The following NBAS variants were observed in gnomAD, a reference collection of about 807,000 sequenced individuals.
NBAS encodes the protein NBAS subunit of NRZ tethering complex.
Under a neutral mutation model 302.5 loss-of-function variants are expected in NBAS, and 219 were observed. The observed-to-expected ratio is 0.72, with a 90% CI of 0.65 to 0.81. The LOEUF (loss-of-function observed/expected upper bound fraction) is 0.81. NBAS is among the 30% of genes least tolerant of loss of function. NBAS has a pLI of 0.00. For missense variants in NBAS, 2,932 were observed against 2,841.6 expected (o/e 1.03, Z -0.72); for synonymous variants, 1,118 against 1,021.6 (o/e 1.09, Z -1.80).
the NBAS span, among the ~76,000 whole-genome samples, chr2:15,030,383 GC>G: frequency 6.6e-6 from 1 of 152,166 alleles, no homozygotes; most frequent in African/African-American, 2.4e-5. Context: ...AATTATTGGA[GC>G]TTTGTCAGCA....
chr2:15,203,758 T>C (rs1404528317), intron 48 of NBAS, among the ~76,000 whole-genome samples: 3 of 152,024 alleles, frequency 2.0e-5, no homozygotes, highest in Non-Finnish European at 4.4e-5. Flanking sequence ...AAAGAATACC[T>C]GAAATCAGTA....
the NBAS span, among the ~76,000 whole-genome samples, chr2:14,782,013 T>C: frequency 6.6e-6 from 1 of 152,168 alleles, no homozygotes; most frequent in Non-Finnish European, 1.5e-5. Context: ...GGACCCACCA[T>C]GCCAGGCTGT....
chr2:15,046,229 T>C, the NBAS span, among the ~76,000 whole-genome samples: 1 of 152,198 alleles, frequency 6.6e-6, no homozygotes, highest in Non-Finnish European at 1.5e-5. Flanking sequence ...CATCCTGGGG[T>C]GGAAGCTGGA....
At chr2:15,202,801 G>T (rs1365504014) in intron 48 of NBAS, among the ~76,000 whole-genome samples, 1 of 152,112 alleles carries the variant, frequency 6.6e-6, no homozygotes, top group Non-Finnish European at 1.5e-5. Flanking sequence ...GCCTCCCAAA[G>T]TGCTGGGATT....
the NBAS span, among the ~76,000 whole-genome samples, chr2:14,906,189 G>A: frequency 1.3e-5 from 2 of 152,182 alleles, no homozygotes; most frequent in African/African-American, 2.4e-5. Flanking sequence ...CACCGCCACA[G>A]CAGTACCTAC....
chr2:15,071,541 T>C, the NBAS span, among the ~76,000 whole-genome samples: 1 of 151,250 alleles, frequency 6.6e-6, no homozygotes, highest in African/African-American at 2.4e-5. Context: ...GAAGAATCGC[T>C]TGAACTCGGG....
At position 15,402,219 on chromosome 2, in the gene NBAS, T is replaced by C; in HGVS notation, c.3020A>G (p.Gln1007Arg). 1 of 1,613,668 alleles carries C rather than the reference T, an allele frequency of 6.2e-7. No homozygotes were observed. Among genetic ancestry groups the C allele is most frequent in the Non-Finnish European group, 8.5e-7 (1 of 1,179,706 alleles). The change falls in exon 26 of 52, where the codon CAA becomes CGA. Residue 1007 changes from glutamine (Q) to arginine (R), a missense_variant. Transcript: ENST00000281513. Reference sequence around the variant, plus strand: ...TAGTAGGTCATAGCAAAGACAGAGTTGATCATTTCGTTCACAGGTATAGAT... The same window carrying C: ...TAGTAGGTCATAGCAAAGACAGAGTCGATCATTTCGTTCACAGGTATAGAT... ...ECIYTCERNDQLCLCYDLLEC... is the reference protein window; with the variant it reads ...ECIYTCERNDRLCLCYDLLEC...
intron 32 of NBAS, among the ~76,000 whole-genome samples, chr2:15,364,771 A>T (rs1674114272): frequency 6.6e-6 from 1 of 152,030 alleles, no homozygotes; most frequent in Non-Finnish European, 1.5e-5. Context: ...ACAGAGTCCA[A>T]CCCTAGCCAC....
At chr2:15,520,111 G>GT (rs1662591216) in intron 9 of NBAS, among the ~76,000 whole-genome samples, 1 of 152,078 alleles carries the variant, frequency 6.6e-6, no homozygotes, top group Non-Finnish European at 1.5e-5. Context: ...AAATCAAGAA[G>GT]TATGGAAAGG....
At chr2:15,217,938 G>T (rs1297355125) in intron 48 of NBAS, among the ~76,000 whole-genome samples, 1 of 152,130 alleles carries the variant, frequency 6.6e-6, no homozygotes, top group African/African-American at 2.4e-5. Context: ...TGGAATTCAA[G>T]GTTCCATTAA....
At chr2:15,464,533 T>C (rs538898244) in intron 19 of NBAS, among the ~76,000 whole-genome samples, 1 of 152,208 alleles carries the variant, frequency 6.6e-6, no homozygotes, top group Admixed American at 6.5e-5. Flanking sequence ...CTTTCTTCTG[T>C]TCCATAAAGT....
chr2:15,347,307 A>G (rs1324343274), intron 35 of NBAS, among the ~76,000 whole-genome samples: 1 of 152,198 alleles, frequency 6.6e-6, no homozygotes, highest in Non-Finnish European at 1.5e-5. Flanking sequence ...TTCTACATCT[A>G]GAGAAATCAA....
At chr2:15,226,565 T>C (rs954422870) in intron 47 of NBAS, among the ~76,000 whole-genome samples, 2 of 152,218 alleles carry the variant, frequency 1.3e-5, no homozygotes, top group Admixed American at 6.5e-5. Context: ...AATTCCTTTG[T>C]CCTACCTTTA....
At chr2:15,241,254 A>G (rs549233142) in intron 44 of NBAS, among the ~76,000 whole-genome samples, 2 of 152,350 alleles carry the variant, frequency 1.3e-5, no homozygotes, top group Admixed American at 1.3e-4. Flanking sequence ...ACTTGGCTAT[A>G]TCAGCTAGCC....
At position 15,167,033 on chromosome 2, in the gene NBAS, G is replaced by GTGTA; in HGVS notation, c.*14_*15insTACA. 1 of 1,527,846 alleles carries GTGTA rather than the reference G, an allele frequency of 6.5e-7. No individual in the cohort carries two copies. The allele number at this position is 1,527,846 out of a possible 1,614,324, so 94.6% of individuals were successfully genotyped here. Reference sequence around the variant, plus strand: ...AGATGCTTTTTCTGCTAAGGAGCAGGGCCACAGGTGGCCCTCACACCCAGT... The same window carrying GTGTA: ...AGATGCTTTTTCTGCTAAGGAGCAGGTGTAGCCACAGGTGGCCCTCACACCCAGT... On this transcript the variant is annotated 3_prime_UTR_variant, in exon 52 of 52. Transcript: ENST00000281513.
the NBAS span, among the ~76,000 whole-genome samples, chr2:14,830,031 G>C: frequency 6.6e-6 from 1 of 152,160 alleles, no homozygotes; most frequent in African/African-American, 2.4e-5. Context: ...TTTCACTTGG[G>C]TAATTTGTGG....
At chr2:14,860,473 A>G in the NBAS span, among the ~76,000 whole-genome samples, 3 of 152,224 alleles carry the variant, frequency 2.0e-5, no homozygotes, top group East Asian at 3.8e-4. Context: ...AATGTGATAT[A>G]TAAACACAAT....
the NBAS span, among the ~76,000 whole-genome samples, chr2:15,026,619 CG>C: frequency 1.3e-5 from 2 of 151,986 alleles, no homozygotes; most frequent in Non-Finnish European, 2.9e-5. Context: ...CCTACTTGAT[CG>C]TGTTGGATTA....
At chr2:14,796,270 A>G in the NBAS span, among the ~76,000 whole-genome samples, 1 of 152,172 alleles carries the variant, frequency 6.6e-6, no homozygotes, top group African/African-American at 2.4e-5. Context: ...GAAGTCAGAT[A>G]GGGAAGGTTC....
Sources: allele counts gnomAD v4.1 joint callset (sites outside exome capture counted in the v4.1 genomes callset), GRCh38; gene constraint gnomAD v4.1.1; transcripts MANE v1.5; gene names NCBI Gene and HGNC (gene_info 2026-07-23, HGNC 2026-07-21).